FBXL3: variants seen among roughly 807,000 people sequenced by gnomAD.
FBXL3 encodes the protein F-box/LRR-repeat protein 3.
In FBXL3, 14 loss-of-function variants were observed where a neutral mutation model predicts 37.9. That is an observed-to-expected ratio of 0.37 (90% CI 0.24 to 0.58). The LOEUF is 0.58. Among genes scored for constraint, FBXL3 ranks in the 20% least tolerant of loss-of-function variants. The pLI is 0.74. For missense variants in FBXL3, 327 were observed against 511.1 expected (o/e 0.64, Z 3.47); for synonymous variants, 194 against 180.1 (o/e 1.08, Z -0.62).
At chr13:77,020,368 G>GA (rs1450242238) in intron 2 of FBXL3, among the ~76,000 whole-genome samples, 5 of 151,676 alleles carry the variant, frequency 3.3e-5, no homozygotes, top group South Asian at 2.1e-4. Flanking sequence ...AGTTTTCTGG[G>GA]AAAAAAAAGG....
At position 77,007,363 on chromosome 13, in the gene FBXL3, G is replaced by A. The variant is rs759989436; in HGVS notation, c.1069C>T (p.Arg357Cys). 5 of 1,614,060 alleles carry A rather than the reference G, an allele frequency of 3.1e-6. No individual in the cohort carries two copies. Among genetic ancestry groups the A allele is most frequent in the Non-Finnish European group, 2.5e-6 (3 of 1,180,016 alleles). The change falls in exon 5 of 5, where the codon CGT (arginine) becomes TGT (cysteine). Residue 357 changes from arginine to cysteine, a missense_variant. Coordinates refer to ENST00000355619, the MANE Select transcript of FBXL3 (RefSeq NM_012158.4). ...CCAATAGCTGACAAATTTTTGCAAC[G>A]TTCTGCAATGCGAATTAACTCTTCA... is the stretch of plus-strand genomic sequence containing the variant. ...LDEELIRIAE[R>C]CKNLSAIGLG...
At chr13:77,007,809 A>C (rs772469348) in intron 4 of FBXL3, 21 bp from the exon 5 acceptor site, 5 of 1,527,758 alleles carry the variant, frequency 3.3e-6, no homozygotes, top group Non-Finnish European at 4.4e-6. Context: ...AAAAAAAATT[A>C]TTTGCAAGTT....
chr13:77,022,513 C>G (rs1032318758), intron 1 of FBXL3, among the ~76,000 whole-genome samples: 2 of 152,190 alleles, frequency 1.3e-5, no homozygotes, highest in African/African-American at 4.8e-5. Context: ...CCTTATGAGA[C>G]TCTTAATGCC....
At position 77,006,880 on chromosome 13, in the gene FBXL3, T is replaced by C. The variant is rs1298112708; in HGVS notation, c.*265A>G. On this transcript the variant is annotated 3_prime_UTR_variant, in exon 5 of 5. Transcript: ENST00000355619. ...TTTGTTTCCTTTAGACTGTAAACTG[T>C]TTAATACGTATAACTGGTTATTTCA... 1 of 1,258,504 alleles carries C rather than the reference T, an allele frequency of 7.9e-7. No homozygotes were observed. 78.0% of individuals were successfully genotyped at this position (1,258,504 alleles called of 1,614,324 possible).
At chr13:77,025,259 T>C (rs2034815960) in intron 1 of FBXL3, among the ~76,000 whole-genome samples, 1 of 152,224 alleles carries the variant, frequency 6.6e-6, no homozygotes, top group African/African-American at 2.4e-5. Context: ...TTCAGGGCTC[T>C]GGCAGTTTAA....
chr13:77,011,328 A>G (rs1054139448), intron 4 of FBXL3, among the ~76,000 whole-genome samples: 3 of 144,912 alleles, frequency 2.1e-5, no homozygotes, highest in Admixed American at 6.8e-5. Context: ...GGGCAACAAG[A>G]AGGAGACTTT....
At chr13:77,016,458 C>T (rs988281043) in intron 3 of FBXL3, 2 of 152,108 alleles carry the variant, frequency 1.3e-5, no homozygotes, top group Non-Finnish European at 2.9e-5. Context: ...ACTTCATGCT[C>T]CAGTTAAGCT....
Position 77,007,344 on chromosome 13 carries a change from G to C in FBXL3, c.1088C>G (p.Ala363Gly), listed in dbSNP as rs2034469596. ...GACTTCACATTCCCCTAGTCCAATA[G>C]CTGACAAATTTTTGCAACGTTCTGC... ...RIAERCKNLS[A>G]IGLGECEVSC... is the part of the protein sequence containing the mutation. Residue 363 changes from alanine to glycine, a missense_variant, in exon 5 of 5, where the codon GCT becomes GGT. Transcript: ENST00000355619. The C allele has an allele frequency of 2.5e-6, 4 of 1,613,972 alleles. No individual in the cohort carries two copies. The highest frequency in any genetic ancestry group is 2.2e-5 in the East Asian group (1 of 44,890).
intron 4 of FBXL3, chr13:77,014,085 T>C (rs534880137): frequency 2.0e-5 from 3 of 152,344 alleles, no homozygotes; most frequent in East Asian, 1.9e-4. Context: ...TTCTCCTACG[T>C]TGACAGGCAG....
At chr13:77,013,322 C>T (rs181432158) in intron 4 of FBXL3, 102 of 152,266 alleles carry the variant, frequency 6.7e-4, no homozygotes, top group African/African-American at 2.2e-3. Context: ...AAGACCCCTC[C>T]TTCTTGCCGG....
intron 2 of FBXL3, among the ~76,000 whole-genome samples, chr13:77,020,605 G>GTTGTT (rs1555276399): frequency 1.3e-5 from 2 of 149,380 alleles, no homozygotes; most frequent in Admixed American, 1.3e-4. Context: ...TTCATGCATT[G>GTTGTT]TTTTTTTTTT....
In FBXL3 at chr13:77,021,695, G is replaced by T; in HGVS notation, c.166C>A (p.Arg56=). 1 of 1,613,998 alleles carries T rather than the reference G, an allele frequency of 6.2e-7. No homozygotes were observed. The highest frequency in any genetic ancestry group is 1.1e-5 in the South Asian group (1 of 91,080). The part of the protein sequence containing the change: ...QVFKYLPLLD[R]AHASQVCRNW... The stretch of plus-strand genomic sequence containing the variant: ...CGGCAAACTTGTGAAGCATGAGCCC[G>T]GTCAAGAAGAGGCAAATATTTAAAT... Residue 56 remains arginine, a synonymous_variant, in exon 2 of 5, where the codon CGG becomes AGG. Transcript: ENST00000355619.
chr13:77,007,549 A>T lies in FBXL3; in HGVS notation c.883T>A (p.Leu295Ile), dbSNP rs763159668. Residue 295 changes from leucine to isoleucine, a missense_variant, in exon 5 of 5, where the codon TTA (leucine) becomes ATA (isoleucine). Leu to Ile is a conservative substitution (Grantham distance 5). Transcript: ENST00000355619. ...PKVNLVMYFF[L>I]YEEEFDPFFR... is the part of the protein sequence containing the mutation. ...AAGGGGTCAAATTCTTCTTCATATA[A>T]AAAAAAATACATCACTAAGTTCACT... 3.1e-6 allele frequency: 5 copies of T among 1,613,414 alleles called. No homozygotes were observed. In the South Asian group the frequency reaches 5.5e-5, roughly 18 times the overall value.
chr13:77,026,172 T>C, intron 1 of FBXL3: 1 of 985,316 alleles, frequency 1.0e-6, no homozygotes, highest in Non-Finnish European at 1.2e-6. Context: ...CTCTCTCACC[T>C]CTCAGCTTGG....
chr13:77,012,426 T>C (rs1451214621), intron 4 of FBXL3, among the ~76,000 whole-genome samples: 1 of 152,236 alleles, frequency 6.6e-6, no homozygotes, highest in African/African-American at 2.4e-5. Flanking sequence ...AGCCAATTTT[T>C]TTTTTAATCA....
chr13:77,010,913 T>C (rs1023783925), intron 4 of FBXL3: 4 of 152,220 alleles, frequency 2.6e-5, no homozygotes, highest in African/African-American at 9.7e-5. Context: ...AGCTGCTTTG[T>C]GTATAGCTGT....
intron 1 of FBXL3, 55 bp downstream of exon 1, chr13:77,026,772 T>A (rs1490553388): frequency 1.6e-5 from 2 of 124,414 alleles, no homozygotes; most frequent in African/African-American, 6.0e-5. Flanking sequence ...CGGTCCGCGG[T>A]CCCTCCCCGG....
Position 77,007,176 on chromosome 13 carries a change from A to G in FBXL3, c.1256T>C (p.Val419Ala), listed in dbSNP as rs2034466367. The G allele has an allele frequency of 6.2e-7, 1 of 1,609,310 alleles. No homozygotes were observed. Among genetic ancestry groups the G allele is most frequent in the African/African-American group, 1.3e-5 (1 of 74,842 alleles). ...AGTGGGCATCATGTCGGGAAACCAC[A>G]CCCTACCAAGATGCTTGGACACTTC... The part of the protein sequence containing the change: ...HWEVSKHLGR[V>A]WFPDMMPTW Residue 419 changes from valine to alanine, a missense_variant, in exon 5 of 5, where the codon GTG becomes GCG. Physicochemically the swap from Val to Ala is moderately conservative, Grantham distance 64 (BLOSUM62 0). Transcript: ENST00000355619.
chr13:77,016,502 G>A (rs940799856), intron 3 of FBXL3: 1 of 151,850 alleles, frequency 6.6e-6, no homozygotes, highest in African/African-American at 2.4e-5. Context: ...AAAAGGATAA[G>A]GGCAGGCTAA....
Sources: gnomAD v4.1 joint callset for allele counts (sites outside exome capture counted in the v4.1 genomes callset) on GRCh38, gnomAD v4.1.1 for gene constraint, MANE v1.5 for transcripts, NCBI Gene and HGNC (gene_info 2026-07-23, HGNC 2026-07-21) for gene names.